The following CADM2 variants were observed in gnomAD, a reference collection of about 807,000 sequenced individuals.
The protein encoded by CADM2 is immunoglobulin superfamily member 4D.
A neutral mutation model predicts 49.8 loss-of-function variants in CADM2; 12 were observed. The observed-to-expected ratio is 0.24, with a 90% CI of 0.15 to 0.39. The LOEUF (loss-of-function observed/expected upper bound fraction) is 0.39. Among genes scored for constraint, CADM2 ranks in the 10% least tolerant of loss-of-function variants. The probability of loss-of-function intolerance (pLI) is 1.00; values close to 1 mark genes in which losing one functional copy is unlikely to be tolerated. For missense variants in CADM2, 378 were observed against 492.3 expected, an observed-to-expected ratio of 0.77 and a Z score of 2.20; for synonymous variants, 214 against 175.4, an observed-to-expected ratio of 1.22 and a Z score of -1.74.
At chr3:85,756,605 A>G (rs1429677780) in intron 2 of CADM2, among the ~76,000 whole-genome samples, 1 of 152,182 alleles carries the variant, frequency 6.6e-6, no homozygotes, top group Non-Finnish European at 1.5e-5. Flanking sequence ...ATTCTTACAT[A>G]CGGACATCAT....
At chr3:85,220,245 G>T (rs1206534086) in intron 1 of CADM2, among the ~76,000 whole-genome samples, 1 of 152,022 alleles carries the variant, frequency 6.6e-6, no homozygotes, top group Non-Finnish European at 1.5e-5. Flanking sequence ...TAGTTCAAGA[G>T]ATTTCAACTG....
chr3:85,841,881 A>C (rs545119022), intron 3 of CADM2, among the ~76,000 whole-genome samples: 2 of 152,048 alleles, frequency 1.3e-5, no homozygotes, highest in South Asian at 2.1e-4. Context: ...TTTCCTTGGT[A>C]TGCCTTTATT....
At chr3:86,059,334 G>A (rs914515251) in intron 8 of CADM2, among the ~76,000 whole-genome samples, 12 of 152,044 alleles carry the variant, frequency 7.9e-5, no homozygotes, top group African/African-American at 2.9e-4. Context: ...CTATAAATTA[G>A]TGTTATTTTT....
At chr3:85,272,020 C>T (rs1190029854) in intron 1 of CADM2, among the ~76,000 whole-genome samples, 1 of 150,994 alleles carries the variant, frequency 6.6e-6, no homozygotes, top group East Asian at 1.9e-4. Context: ...TTGAGAACTG[C>T]TGTTCTAAGT....
intron 1 of CADM2, among the ~76,000 whole-genome samples, chr3:85,040,783 A>C (rs768805132): frequency 2.6e-5 from 4 of 152,204 alleles, no homozygotes; most frequent in African/African-American, 9.6e-5. Flanking sequence ...TCAGCACTTT[A>C]ATATCTGCTG....
intron 1 of CADM2, among the ~76,000 whole-genome samples, chr3:85,096,486 A>T (rs553174289): frequency 6.6e-6 from 1 of 152,308 alleles, no homozygotes; most frequent in South Asian, 2.1e-4. Flanking sequence ...ATATGTCTAG[A>T]TATTTATTCT....
intron 1 of CADM2, among the ~76,000 whole-genome samples, chr3:85,483,383 T>A (rs72909215): frequency 0.041 from 6,162 of 151,370 alleles, 420 homozygotes; most frequent in African/African-American, 0.14. Context: ...TTTGCATATG[T>A]TTGTGTATAT....
At chr3:85,978,102 T>C (rs1490253628) in intron 8 of CADM2, among the ~76,000 whole-genome samples, 1 of 151,638 alleles carries the variant, frequency 6.6e-6, no homozygotes, top group Non-Finnish European at 1.5e-5. Flanking sequence ...ACAGTAATTA[T>C]TGGTAATTTG....
At chr3:85,196,531 A>G (rs976966516) in intron 1 of CADM2, among the ~76,000 whole-genome samples, 2 of 151,966 alleles carry the variant, frequency 1.3e-5, no homozygotes, top group African/African-American at 4.8e-5. Flanking sequence ...AGCTAGGAGG[A>G]CATGGAAAAG....
intron 2 of CADM2, among the ~76,000 whole-genome samples, chr3:85,787,992 A>G (rs1199831725): frequency 2.6e-5 from 4 of 152,126 alleles, no homozygotes; most frequent in Admixed American, 1.3e-4. Flanking sequence ...GGTGTCTAAC[A>G]TTCTTGACCT....
At chr3:85,484,266 A>T (rs547578183) in intron 1 of CADM2, among the ~76,000 whole-genome samples, 2 of 151,982 alleles carry the variant, frequency 1.3e-5, no homozygotes, top group East Asian at 3.9e-4. Context: ...CAGCATTGAA[A>T]CTTTCTGGGG....
At position 85,970,046 on chromosome 3, in the gene CADM2, A is replaced by G. The variant is rs561177284; in HGVS notation, c.970+8399A>G. On this transcript the variant is annotated intron_variant, in intron 8 of 9. Coordinates refer to ENST00000383699, the MANE Select transcript of CADM2 (RefSeq NM_001167675.2). ...TTGACTTCTGGATAAAATCAGGGAA[A>G]TAATTGATATTCCTTGGTCACCAAA... Among the ~76,000 whole-genome samples the G allele has an allele frequency of 3.3e-5, 5 of 150,242 alleles. No individual in the cohort carries two copies. The South Asian group carries it at 8.4e-4, about 25-fold the overall frequency.
chr3:85,239,283 TTGCCAG>T (rs1254746571), intron 1 of CADM2, among the ~76,000 whole-genome samples: 3 of 151,854 alleles, frequency 2.0e-5, no homozygotes, highest in Non-Finnish European at 4.4e-5. Flanking sequence ...GACAGAGCTG[TTGCCAG>T]TGGATATACT....
chr3:85,141,596 A>G (rs768827691), intron 1 of CADM2, among the ~76,000 whole-genome samples: 11 of 152,162 alleles, frequency 7.2e-5, no homozygotes, highest in Non-Finnish European at 1.5e-4. Context: ...ATATGTAACA[A>G]TATGTTTTTA....
chr3:85,541,533 AC>A (rs2061537782), intron 1 of CADM2, among the ~76,000 whole-genome samples: 3 of 150,410 alleles, frequency 2.0e-5, no homozygotes, highest in African/African-American at 7.3e-5. Flanking sequence ...GTACATTACT[AC>A]AGGATAGTAA....
chr3:85,508,558 G>T (rs1383321897), intron 1 of CADM2, among the ~76,000 whole-genome samples: 2 of 152,108 alleles, frequency 1.3e-5, no homozygotes, highest in African/African-American at 2.4e-5. Context: ...GAAAGAATGG[G>T]TTCTGGAATA....
intron 1 of CADM2, among the ~76,000 whole-genome samples, chr3:85,362,638 T>A (rs2032442618): frequency 6.6e-6 from 1 of 152,214 alleles, no homozygotes; most frequent in Admixed American, 6.5e-5. Flanking sequence ...TTCCTTCACA[T>A]AATGAGCTTC....
chr3:85,171,715 A>G (rs556674585), intron 1 of CADM2, among the ~76,000 whole-genome samples: 2 of 152,334 alleles, frequency 1.3e-5, no homozygotes, highest in South Asian at 4.1e-4. Flanking sequence ...ATAATTTTGT[A>G]TGTACAGTTG....
intron 1 of CADM2, among the ~76,000 whole-genome samples, chr3:85,480,854 T>TA (rs1422275574): frequency 4.0e-5 from 6 of 151,744 alleles, no homozygotes; most frequent in South Asian, 2.1e-4. Flanking sequence ...AAATAGAAAA[T>TA]AAAAAATCTA....
Sources: gnomAD v4.1 joint callset for allele counts (sites outside exome capture counted in the v4.1 genomes callset) on GRCh38, gnomAD v4.1.1 for gene constraint, MANE v1.5 for transcripts, NCBI Gene and HGNC (gene_info 2026-07-23, HGNC 2026-07-21) for gene names.